UCN2: variants seen among roughly 807,000 people sequenced by gnomAD.
UCN2 encodes urocortin-2.
Under a neutral mutation model 1.6 loss-of-function variants are expected in UCN2, and 3 were observed. The ratio of observed to expected loss-of-function variants is 1.88; its 90% CI spans 0.85 to 4.85. UCN2 has a LOEUF of 4.85. UCN2 is among the 30% of genes most tolerant of loss of function. The probability of loss-of-function intolerance (pLI) is 0.02; values close to 1 mark genes in which losing one functional copy is unlikely to be tolerated. For synonymous variants in UCN2, 64 were observed against 66.0 expected, an observed-to-expected ratio of 0.97 and a Z score of 0.15; for missense variants, 127 against 150.8, an observed-to-expected ratio of 0.84 and a Z score of 0.83.
In UCN2 at chr3:48,563,725, A is replaced by C. The variant is rs2043475954; in HGVS notation, c.-35T>G. The C allele has an allele frequency of 6.2e-6, 1 of 162,390 alleles. No homozygotes were observed. The highest frequency in any genetic ancestry group is 1.4e-5 in the Non-Finnish European group (1 of 74,054). 10.1% of individuals were successfully genotyped at this position (162,390 alleles called of 1,614,324 possible). A position where few individuals can be genotyped will look rare whatever the true frequency, so the allele number is the denominator to read the frequency against. The stretch of plus-strand genomic sequence containing the variant: ...TACCGCCACCAGCTGCTTCTGGGGT[A>C]AGGCAGCCTGCTGTGGCTGCCTGGG... On this transcript the variant is annotated 5_prime_UTR_variant, in exon 1 of 2. Transcript: ENST00000273610. The surrounding 1 kb of genome is among the most constrained non-coding windows in gnomAD (Gnocchi z 4.5).
In UCN2 at chr3:48,562,621, G is replaced by A; in HGVS notation, c.*165C>T. 1 of 679,318 alleles carries A rather than the reference G, an allele frequency of 1.5e-6. No homozygotes were observed. The highest frequency in any genetic ancestry group is 2.4e-6 in the Non-Finnish European group (1 of 410,868). The allele number at this position is 679,318 out of a possible 1,614,324, so 42.1% of individuals were successfully genotyped here. ...GGGGCACTCAGATCTGATATGACCT[G>A]CATGACAGTGGCTCCATGTGGCAGT... On this transcript the variant is annotated 3_prime_UTR_variant, in exon 2 of 2. Coordinates refer to ENST00000273610, the MANE Select transcript of UCN2 (RefSeq NM_033199.4). This position sits in a 1 kb window ranked among gnomAD's most constrained non-coding sequence, Gnocchi z 4.3.
Position 48,562,752 on chromosome 3 carries a change from G to A in UCN2, c.*34C>T. On this transcript the variant is annotated 3_prime_UTR_variant, in exon 2 of 2. Transcript: ENST00000273610. This position sits in a 1 kb window ranked among gnomAD's most constrained non-coding sequence, Gnocchi z 4.3. ...CTGCCCTCCAGGTCTTCCCATCCAG[G>A]GTGGCCCTATCACTGTGACCCCCTC... The A allele has an allele frequency of 6.6e-7, 1 of 1,509,588 alleles. No individual in the cohort carries two copies. The highest frequency in any genetic ancestry group is 8.8e-7 in the Non-Finnish European group (1 of 1,131,322). 93.5% of individuals were successfully genotyped at this position (1,509,588 alleles called of 1,614,324 possible).
Position 48,562,539 on chromosome 3 carries a change from G to C in UCN2, c.*247C>G, listed in dbSNP as rs1211807482. Reference sequence around the variant, plus strand: ...AGGCATGGCAAGACTCCATGTGGCAGTGACCCAACTTAGCAATGTCCAATG... The same window carrying C: ...AGGCATGGCAAGACTCCATGTGGCACTGACCCAACTTAGCAATGTCCAATG... On this transcript the variant is annotated 3_prime_UTR_variant, in exon 2 of 2. Coordinates refer to ENST00000273610, the MANE Select transcript of UCN2 (RefSeq NM_033199.4). The surrounding 1 kb of genome is among the most constrained non-coding windows in gnomAD (Gnocchi z 4.3). 3.7e-6 allele frequency: 2 copies of C among 543,648 alleles called. No homozygotes were observed. 33.7% of individuals were successfully genotyped at this position (543,648 alleles called of 1,614,324 possible). A position where few individuals can be genotyped will look rare whatever the true frequency, so the allele number is the denominator to read the frequency against.
At position 48,562,997 on chromosome 3, in the gene UCN2, G is replaced by A. The variant is rs372343725; in HGVS notation, c.128C>T (p.Ala43Val). Reference sequence around the variant, plus strand: ...AGCAGCTGAGGGGCTCTCTGAGGCCGCAGGTCGGGGAGTGGTCTGGGGAGA... The same window carrying A: ...AGCAGCTGAGGGGCTCTCTGAGGCCACAGGTCGGGGAGTGGTCTGGGGAGA... ...QNSPQTTPRP[A>V]ASESPSAAPT... Residue 43 changes from alanine to valine, a missense_variant, in exon 2 of 2, where the codon GCG (alanine) becomes GTG (valine). Transcript: ENST00000273610. This position sits in a 1 kb window ranked among gnomAD's most constrained non-coding sequence, Gnocchi z 4.3. The A allele has an allele frequency of 1.7e-4, 268 of 1,608,868 alleles. No homozygotes were observed. Among genetic ancestry groups the A allele is most frequent in the South Asian group, 1.3e-3 (116 of 89,848 alleles).
Position 48,562,713 on chromosome 3 carries a change from G to T in UCN2, c.*73C>A. 7.2e-7 allele frequency: 1 copy of T among 1,387,960 alleles called. No homozygotes were observed. Among genetic ancestry groups the T allele is most frequent in the Non-Finnish European group, 9.6e-7 (1 of 1,039,398 alleles). 86.0% of individuals were successfully genotyped at this position (1,387,960 alleles called of 1,614,324 possible). On this transcript the variant is annotated 3_prime_UTR_variant, in exon 2 of 2. Transcript: ENST00000273610. This position sits in a 1 kb window ranked among gnomAD's most constrained non-coding sequence, Gnocchi z 4.3. ...TGTATGCCCAGATGTGGCAGCATCCGTCCAGCTGTGTGGCTGCCCTCCAGG... is the reference window on the plus strand; with the variant it reads ...TGTATGCCCAGATGTGGCAGCATCCTTCCAGCTGTGTGGCTGCCCTCCAGG...
rs2043449048 is a variant in UCN2 at position 48,562,580 on chromosome 3, C to T, written c.*206G>A. On this transcript the variant is annotated 3_prime_UTR_variant, in exon 2 of 2. Coordinates refer to ENST00000273610, the MANE Select transcript of UCN2 (RefSeq NM_033199.4). This position sits in a 1 kb window ranked among gnomAD's most constrained non-coding sequence, Gnocchi z 4.3. Reference sequence around the variant, plus strand: ...ATGTCCAATGTCCAGGCTGTCCAGACACACTGTGACTCTGTGGGGCACTCA... The same window carrying T: ...ATGTCCAATGTCCAGGCTGTCCAGATACACTGTGACTCTGTGGGGCACTCA... 3.4e-6 allele frequency: 2 copies of T among 594,632 alleles called. No homozygotes were observed. The highest frequency in any genetic ancestry group is 3.4e-5 in the Admixed American group (1 of 29,464). The allele number at this position is 594,632 out of a possible 1,614,324, so 36.8% of individuals were successfully genotyped here.
rs540346832 is a variant in UCN2, at chr3:48,562,191, C to T, written c.*595G>A. 1 of 153,634 alleles carries T rather than the reference C, an allele frequency of 6.5e-6. No homozygotes were observed. The highest frequency in any genetic ancestry group is 1.9e-4 in the East Asian group (1 of 5,194). 9.5% of individuals were successfully genotyped at this position (153,634 alleles called of 1,614,324 possible). A position where few individuals can be genotyped will look rare whatever the true frequency, so the allele number is the denominator to read the frequency against. Reference sequence around the variant, plus strand: ...GCTTCCTGTGTTCGGGCCTTTGTGCCTGGAGACACCCCTCACAGCCCCGTC... The same window carrying T: ...GCTTCCTGTGTTCGGGCCTTTGTGCTTGGAGACACCCCTCACAGCCCCGTC... On this transcript the variant is annotated 3_prime_UTR_variant, in exon 2 of 2. Transcript: ENST00000273610. The surrounding 1 kb of genome is among the most constrained non-coding windows in gnomAD (Gnocchi z 4.3).
chr3:48,562,631 G>A lies in UCN2; in HGVS notation c.*155C>T, dbSNP rs140755011. 257 of 699,704 alleles carry A rather than the reference G, an allele frequency of 3.7e-4. 1 individual carries two copies. Among genetic ancestry groups the A allele is most frequent in the Non-Finnish European group, 4.8e-4 (208 of 429,478 alleles). 43.3% of individuals were successfully genotyped at this position (699,704 alleles called of 1,614,324 possible). ...GATCTGATATGACCTGCATGACAGT[G>A]GCTCCATGTGGCAGTGTCCAGACAC... is the stretch of plus-strand genomic sequence containing the variant. On this transcript the variant is annotated 3_prime_UTR_variant, in exon 2 of 2. Transcript: ENST00000273610. The surrounding 1 kb of genome is among the most constrained non-coding windows in gnomAD (Gnocchi z 4.3).
Position 48,563,061 on chromosome 3 carries a change from C to A in UCN2, c.64G>T (p.Val22Leu). Residue 22 changes from valine to leucine, a missense_variant, in exon 2 of 2, where the codon GTG (valine) becomes TTG (leucine). Val to Leu is a conservative substitution (Grantham distance 32, BLOSUM62 1). Coordinates refer to ENST00000273610, the MANE Select transcript of UCN2 (RefSeq NM_033199.4). The surrounding 1 kb of genome is among the most constrained non-coding windows in gnomAD (Gnocchi z 4.5). ...AGCTGGAAGGTTGGGATAGGGGTCACTGGGACAACCAGGACTCTGCCCAAC... is the reference window on the plus strand; with the variant it reads ...AGCTGGAAGGTTGGGATAGGGGTCAATGGGACAACCAGGACTCTGCCCAAC... Reference protein sequence around the residue: ...LMLGRVLVVPVTPIPTFQLRP... With the variant: ...LMLGRVLVVPLTPIPTFQLRP... 3.7e-6 allele frequency: 6 copies of A among 1,612,140 alleles called. No individual in the cohort carries two copies. In the South Asian group the frequency reaches 5.5e-5, roughly 15 times the overall value.
At position 48,562,223 on chromosome 3, in the gene UCN2, G is replaced by A. The variant is rs551254002; in HGVS notation, c.*563C>T. On this transcript the variant is annotated 3_prime_UTR_variant, in exon 2 of 2. Transcript: ENST00000273610. This position sits in a 1 kb window ranked among gnomAD's most constrained non-coding sequence, Gnocchi z 4.3. ...CACCCCTCACAGCCCCGTCCATCTG[G>A]GGCAGGTGCTGCCTCATGGGGCACA... The A allele has an allele frequency of 6.5e-6, 1 of 153,892 alleles. No homozygotes were observed. Among genetic ancestry groups the A allele is most frequent in the East Asian group, 1.9e-4 (1 of 5,196 alleles). The allele number at this position is 153,892 out of a possible 1,614,324, so 9.5% of individuals were successfully genotyped here.
In UCN2 at chr3:48,563,524, G is replaced by A. The variant is rs771755103; in HGVS notation, c.-13+179C>T. Among the ~76,000 whole-genome samples, 5 of 152,090 alleles carry A rather than the reference G, an allele frequency of 3.3e-5. No individual in the cohort carries two copies. The highest frequency in any genetic ancestry group is 2.1e-4 in the South Asian group (1 of 4,816). On this transcript the variant is annotated intron_variant, in intron 1 of 1. Coordinates refer to ENST00000273610, the MANE Select transcript of UCN2 (RefSeq NM_033199.4). This position sits in a 1 kb window ranked among gnomAD's most constrained non-coding sequence, Gnocchi z 4.5. ...ACACAGAGTCCACAGGAGGGCAGGCGGTTCTCAGCAGGAGAGCTTGCAGCT... is the reference window on the plus strand; with the variant it reads ...ACACAGAGTCCACAGGAGGGCAGGCAGTTCTCAGCAGGAGAGCTTGCAGCT...
At position 48,562,829 on chromosome 3, in the gene UCN2, G is replaced by A; in HGVS notation, c.296C>T (p.Ala99Val). ...GGCCAGGATGCGGGCGTTGGTGGTG[G>A]CCTGCTCCCTGGCAGCCCTGGCCCG... is the stretch of plus-strand genomic sequence containing the variant. ...QARARAAREQATTNARILARV... is the reference protein window; with the variant it reads ...QARARAAREQVTTNARILARV... Residue 99 changes from alanine (A) to valine (V), a missense_variant, in exon 2 of 2, where the codon GCC becomes GTC. This residue lies in a region of UCN2 where 122 missense variants were observed against 131.5 expected (regional missense o/e 0.93). Transcript: ENST00000273610. This position sits in a 1 kb window ranked among gnomAD's most constrained non-coding sequence, Gnocchi z 4.3. 1 of 1,576,254 alleles carries A rather than the reference G, an allele frequency of 6.3e-7. No individual in the cohort carries two copies. The highest frequency in any genetic ancestry group is 8.6e-7 in the Non-Finnish European group (1 of 1,161,722).
rs1010588872 is a variant in UCN2, at chr3:48,563,704, G to A, written c.-14C>T. ...CATCCCGACCCAACCCAGTCCTACCGCCACCAGCTGCTTCTGGGGTAAGGC... is the reference window on the plus strand; with the variant it reads ...CATCCCGACCCAACCCAGTCCTACCACCACCAGCTGCTTCTGGGGTAAGGC... On this transcript the variant is annotated splice_region_variant and 5_prime_UTR_variant, in exon 1 of 2. Transcript: ENST00000273610. This position sits in a 1 kb window ranked among gnomAD's most constrained non-coding sequence, Gnocchi z 4.5. 6.2e-5 allele frequency: 10 copies of A among 161,904 alleles called. No homozygotes were observed. Among genetic ancestry groups the A allele is most frequent in the South Asian group, 1.7e-4 (1 of 5,894 alleles). The allele number at this position is 161,904 out of a possible 1,614,324, so 10.0% of individuals were successfully genotyped here.
rs1368212986 is a variant in UCN2, at chr3:48,563,485, A to C, written c.-13+218T>G. Among the ~76,000 whole-genome samples, 2 of 152,184 alleles carry C rather than the reference A, an allele frequency of 1.3e-5. No homozygotes were observed. The highest frequency in any genetic ancestry group is 2.9e-5 in the Non-Finnish European group (2 of 68,026). On this transcript the variant is annotated intron_variant, in intron 1 of 1. Transcript: ENST00000273610. This position sits in a 1 kb window ranked among gnomAD's most constrained non-coding sequence, Gnocchi z 4.5. Reference sequence around the variant, plus strand: ...GAGACAGACAGCATGATGGAAAGAAAGATTCAGACAGAAACACAGAGTCCA... The same window carrying C: ...GAGACAGACAGCATGATGGAAAGAACGATTCAGACAGAAACACAGAGTCCA...
Position 48,563,153 on chromosome 3 carries a change from G to A in UCN2, c.-12-17C>T, listed in dbSNP as rs767574053. 2 of 1,592,778 alleles carry A rather than the reference G, an allele frequency of 1.3e-6. No homozygotes were observed. Among genetic ancestry groups the A allele is most frequent in the Non-Finnish European group, 1.7e-6 (2 of 1,170,038 alleles). ...GAGGTCAGGCTGCAAGGAGAAAATG[G>A]GCTCAGGGCAGGGGCTCTGGTCAAC... On this transcript the variant is annotated splice_polypyrimidine_tract_variant and intron_variant, in intron 1 of 1. Transcript: ENST00000273610. The surrounding 1 kb of genome is among the most constrained non-coding windows in gnomAD (Gnocchi z 4.5).
rs774220065 is a variant in UCN2 at position 48,562,485 on chromosome 3, C to T, written c.*301G>A. On this transcript the variant is annotated 3_prime_UTR_variant, in exon 2 of 2. Coordinates refer to ENST00000273610, the MANE Select transcript of UCN2 (RefSeq NM_033199.4). This position sits in a 1 kb window ranked among gnomAD's most constrained non-coding sequence, Gnocchi z 4.3. ...CTTACGTGGCAGCATCCAAGCTGTC[C>T]GGACATATATTAGGTCTGTGGGGCA... The T allele has an allele frequency of 6.8e-5, 30 of 439,838 alleles. 1 individual carries two copies. The East Asian group carries it at 1.1e-3, about 15-fold the overall frequency. 27.2% of individuals were successfully genotyped at this position (439,838 alleles called of 1,614,324 possible).
Position 48,562,755 on chromosome 3 carries a change from G to C in UCN2, c.*31C>G. 1 of 1,511,492 alleles carries C rather than the reference G, an allele frequency of 6.6e-7. No homozygotes were observed. The allele number at this position is 1,511,492 out of a possible 1,614,324, so 93.6% of individuals were successfully genotyped here. ...CCCTCCAGGTCTTCCCATCCAGGGT[G>C]GCCCTATCACTGTGACCCCCTCTCT... On this transcript the variant is annotated 3_prime_UTR_variant, in exon 2 of 2. Transcript: ENST00000273610. The surrounding 1 kb of genome is among the most constrained non-coding windows in gnomAD (Gnocchi z 4.3).
In UCN2 at chr3:48,563,033, C is replaced by T. The variant is rs1454706036; in HGVS notation, c.92G>A (p.Arg31His). ...AGTGGTCTGGGGAGAATTCTGAGGG[C>T]GGAGCTGGAAGGTTGGGATAGGGGT... ...PVTPIPTFQL[R>H]PQNSPQTTPR... Residue 31 changes from arginine (R) to histidine (H), a missense_variant, in exon 2 of 2, where the codon CGC (arginine) becomes CAC (histidine). Around this residue, in one of 2 missense-constraint regions of UCN2, gnomAD observed 122 missense variants for 131.5 expected, o/e 0.93. Coordinates refer to ENST00000273610, the MANE Select transcript of UCN2 (RefSeq NM_033199.4). The surrounding 1 kb of genome is among the most constrained non-coding windows in gnomAD (Gnocchi z 4.5). 30 of 1,611,432 alleles carry T rather than the reference C, an allele frequency of 1.9e-5. No individual in the cohort carries two copies. The highest frequency in any genetic ancestry group is 6.7e-5 in the East Asian group (3 of 44,818).
At position 48,563,615 on chromosome 3, in the gene UCN2, T is replaced by A. The variant is rs1045150398; in HGVS notation, c.-13+88A>T. 6.1e-6 allele frequency: 1 copy of A among 163,176 alleles called. No individual in the cohort carries two copies. Among genetic ancestry groups the A allele is most frequent in the Non-Finnish European group, 1.3e-5 (1 of 74,402 alleles). The allele number at this position is 163,176 out of a possible 1,614,324, so 10.1% of individuals were successfully genotyped here. A position where few individuals can be genotyped will look rare whatever the true frequency, so the allele number is the denominator to read the frequency against. On this transcript the variant is annotated intron_variant, in intron 1 of 1. Coordinates refer to ENST00000273610, the MANE Select transcript of UCN2 (RefSeq NM_033199.4). This position sits in a 1 kb window ranked among gnomAD's most constrained non-coding sequence, Gnocchi z 4.5. Reference sequence around the variant, plus strand: ...AGAAAAGCAGCCAGAGATCCCAGAGTCCCCTGGGTCCAAGCCCTCCATAAA... The same window carrying A: ...AGAAAAGCAGCCAGAGATCCCAGAGACCCCTGGGTCCAAGCCCTCCATAAA...
Sources: gnomAD v4.1 joint callset for allele counts (sites outside exome capture counted in the v4.1 genomes callset) on GRCh38, gnomAD v4.1.1 for gene constraint, gnomAD v4.1.1 regional missense constraint, Gnocchi (gnomAD v3.1) non-coding constraint, MANE v1.5 for transcripts, NCBI Gene and HGNC (gene_info 2026-07-23, HGNC 2026-07-21) for gene names.